The following ZFHX4 variants were observed in gnomAD, a reference collection of about 807,000 sequenced individuals.
The protein encoded by ZFHX4 is zinc finger homeobox protein 4.
Under a neutral mutation model 267.6 loss-of-function variants are expected in ZFHX4, and 56 were observed. The observed-to-expected ratio is 0.21, with a 90% CI of 0.17 to 0.26. ZFHX4 has a LOEUF of 0.26. ZFHX4 is among the 10% of genes least tolerant of loss of function. The probability of loss-of-function intolerance (pLI) is 1.00; values close to 1 mark genes in which losing one functional copy is unlikely to be tolerated. For missense variants in ZFHX4, 4,332 were observed against 4,420.0 expected, an observed-to-expected ratio of 0.98 and a Z score of 0.56; for synonymous variants, 1,778 against 1,665.6, an observed-to-expected ratio of 1.07 and a Z score of -1.64.
At position 76,864,151 on chromosome 8, in the gene ZFHX4, A is replaced by C; in HGVS notation, c.10437A>C (p.Ala3479=). 2 of 1,613,908 alleles carry C rather than the reference A, an allele frequency of 1.2e-6. No individual in the cohort carries two copies. Among genetic ancestry groups the C allele is most frequent in the Non-Finnish European group, 1.7e-6 (2 of 1,179,846 alleles). Residue 3479 remains alanine (A), a synonymous_variant, in exon 11 of 11, where the codon GCA becomes GCC. Coordinates refer to ENST00000651372, the MANE Select transcript of ZFHX4 (RefSeq NM_024721.5). ...ACAAAGAGAAAACAATCAAACAAGC[A>C]ATGAGAAATGCCAAAGAGCATGTTA... is the stretch of plus-strand genomic sequence containing the variant. The part of the protein sequence containing the change: ...SLHKEKTIKQ[A]MRNAKEHVRL...
At chr8:76,772,300 T>C (rs1051976414) in intron 3 of ZFHX4, among the ~76,000 whole-genome samples, 1 of 152,152 alleles carries the variant, frequency 6.6e-6, no homozygotes, top group Non-Finnish European at 1.5e-5. Context: ...TCTGAGTGGA[T>C]ATGCTAAGAT....
chr8:76,694,309 A>G (rs898010622), intron 1 of ZFHX4, among the ~76,000 whole-genome samples: 1 of 152,240 alleles, frequency 6.6e-6, no homozygotes, highest in Non-Finnish European at 1.5e-5. Flanking sequence ...ATTGAAGAAT[A>G]CAATGATCTC....
rs1422704277 is a variant in ZFHX4 at position 76,839,267 on chromosome 8, C to G, written c.3395-3388C>G. On this transcript the variant is annotated intron_variant, in intron 5 of 10. Coordinates refer to ENST00000651372, the MANE Select transcript of ZFHX4 (RefSeq NM_024721.5). ...ACTCTAAGCTAGTCATTCAAAAACA[C>G]TTATTTTAAATATAGCCAATGTGTA... Among the ~76,000 whole-genome samples, 4 of 152,124 alleles carry G rather than the reference C, an allele frequency of 2.6e-5. No homozygotes were observed. In the East Asian group the frequency reaches 7.7e-4, roughly 29 times the overall value.
At chr8:76,755,477 A>G (rs1417129932) in intron 3 of ZFHX4, among the ~76,000 whole-genome samples, 4 of 152,200 alleles carry the variant, frequency 2.6e-5, no homozygotes, top group Non-Finnish European at 4.4e-5. Context: ...TAAGTCTTCT[A>G]TGGCATCAAC....
intron 5 of ZFHX4, among the ~76,000 whole-genome samples, 159 bp from the exon 6 acceptor site, chr8:76,842,487 GTCAGCATGA>G (rs1812260455): frequency 6.6e-6 from 1 of 152,172 alleles, no homozygotes; most frequent in South Asian, 2.1e-4. Flanking sequence ...CATTGGTACA[GTCAGCATGA>G]TCAGCATAGA....
intron 4 of ZFHX4, among the ~76,000 whole-genome samples, chr8:76,781,708 A>C (rs566103679): frequency 2.0e-4 from 30 of 152,204 alleles, no homozygotes; most frequent in Non-Finnish European, 1.8e-4. Context: ...AGGACTATAA[A>C]ATATTTCTAC....
intron 4 of ZFHX4, among the ~76,000 whole-genome samples, chr8:76,794,038 T>A (rs1810908041): frequency 6.6e-6 from 1 of 152,220 alleles, no homozygotes. Flanking sequence ...ACAAGCATTT[T>A]AAGTATTTTA....
intron 3 of ZFHX4, among the ~76,000 whole-genome samples, chr8:76,731,623 T>C (rs1172306097): frequency 6.6e-6 from 1 of 152,074 alleles, no homozygotes; most frequent in African/African-American, 2.4e-5. Context: ...TTATTACAAA[T>C]ATAAATAAAA....
At chr8:76,828,356 C>T (rs752526671) in intron 4 of ZFHX4, among the ~76,000 whole-genome samples, 3 of 151,826 alleles carry the variant, frequency 2.0e-5, no homozygotes, top group South Asian at 4.2e-4. Context: ...TGCTGTCCAG[C>T]GGGGAGGTAC....
Position 76,738,676 on chromosome 8 carries a change from T to G in ZFHX4, c.3093+30628T>G, listed in dbSNP as rs1456467025. 2.0e-4 allele frequency among the ~76,000 whole-genome samples: 23 copies of G among 113,806 alleles called. No individual in the cohort carries two copies. In the South Asian group the frequency reaches 7.4e-3, roughly 37 times the overall value. 74.7% of individuals were successfully genotyped at this position (113,806 alleles called of 152,430 possible). A position where few individuals can be genotyped will look rare whatever the true frequency, so the allele number is the denominator to read the frequency against. ...TTTCCTTCCTCCCTCCCTCCCTCCCTTCCTCCCTCCCTCCTCCCTCCCTTT... is the reference window on the plus strand; with the variant it reads ...TTTCCTTCCTCCCTCCCTCCCTCCCGTCCTCCCTCCCTCCTCCCTCCCTTT... On this transcript the variant is annotated intron_variant, in intron 3 of 10. Transcript: ENST00000651372.
chr8:76,821,393 A>T (rs988587825), intron 4 of ZFHX4, among the ~76,000 whole-genome samples: 4 of 151,958 alleles, frequency 2.6e-5, no homozygotes, highest in Non-Finnish European at 5.9e-5. Context: ...TTGCACTCAC[A>T]CCATTCTACT....
In ZFHX4 at chr8:76,865,640, A is replaced by G. The variant is rs1813006827; in HGVS notation, c.*1075A>G. 1 of 152,624 alleles carries G rather than the reference A, an allele frequency of 6.6e-6. No individual in the cohort carries two copies. Among genetic ancestry groups the G allele is most frequent in the Admixed American group, 6.5e-5 (1 of 15,268 alleles). 9.5% of individuals were successfully genotyped at this position (152,624 alleles called of 1,614,324 possible). A position where few individuals can be genotyped will look rare whatever the true frequency, so the allele number is the denominator to read the frequency against. On this transcript the variant is annotated 3_prime_UTR_variant, in exon 11 of 11. Coordinates refer to ENST00000651372, the MANE Select transcript of ZFHX4 (RefSeq NM_024721.5). ...ACTGTATACTTGAAACTGTTTAAGT[A>G]CAAGTTGAACAAAAATTATGAAAAG...
intron 3 of ZFHX4, among the ~76,000 whole-genome samples, chr8:76,738,320 G>A (rs1418469827): frequency 2.6e-5 from 4 of 152,136 alleles, no homozygotes; most frequent in African/African-American, 9.7e-5. Context: ...TAAGGGATAA[G>A]TACTCACATC....
chr8:76,715,481 TAAAAAAAAAAAAAA>T (rs764567552), intron 3 of ZFHX4, among the ~76,000 whole-genome samples: 2 of 62,318 alleles, frequency 3.2e-5, no homozygotes, highest in African/African-American at 6.5e-5. Flanking sequence ...GACTCCATCT[TAAAAAAAAAAAAAA>T]AAAAAAAAAA....
chr8:76,811,598 T>A (rs1276311492), intron 4 of ZFHX4, among the ~76,000 whole-genome samples: 1 of 152,174 alleles, frequency 6.6e-6, no homozygotes, highest in Non-Finnish European at 1.5e-5. Flanking sequence ...ACATTTGGTT[T>A]GGCCTTCTGT....
rs200585661 is a variant in ZFHX4 at position 76,817,236 on chromosome 8, G to GA, written c.3326-16093dup. On this transcript the variant is annotated intron_variant, in intron 4 of 10. Coordinates refer to ENST00000651372, the MANE Select transcript of ZFHX4 (RefSeq NM_024721.5). ...TAAAAGAAATAAAATCCCTTTTAAA[G>GA]AAAAAAAAATGAGAAATTGAGAAAG... Among the ~76,000 whole-genome samples, 78 of 150,770 alleles carry GA rather than the reference G, an allele frequency of 5.2e-4. No individual in the cohort carries two copies. The East Asian group carries it at 7.2e-3, about 14-fold the overall frequency.
intron 3 of ZFHX4, among the ~76,000 whole-genome samples, chr8:76,725,806 A>G (rs1563486485): frequency 6.6e-6 from 1 of 152,178 alleles, no homozygotes; most frequent in African/African-American, 2.4e-5. Context: ...GCTATGACAA[A>G]TATATCATCC....
At chr8:76,840,778 C>T (rs1359268060) in intron 5 of ZFHX4, among the ~76,000 whole-genome samples, 1 of 152,136 alleles carries the variant, frequency 6.6e-6, no homozygotes, top group African/African-American at 2.4e-5. Flanking sequence ...TCATAGGTCG[C>T]GAACTAGAGA....
rs188873242 is a variant in ZFHX4, at chr8:76,722,381, G to A, written c.3093+14333G>A. ...ATTTATGTCTATGAACACTTGATGAGCCTAATAAGCTTTAATGAGGTGGGT... is the reference window on the plus strand; with the variant it reads ...ATTTATGTCTATGAACACTTGATGAACCTAATAAGCTTTAATGAGGTGGGT... On this transcript the variant is annotated intron_variant, in intron 3 of 10. Transcript: ENST00000651372. Among the ~76,000 whole-genome samples the A allele has an allele frequency of 5.2e-3, 797 of 152,048 alleles. 11 individuals carry two copies. The highest frequency in any genetic ancestry group is 0.018 in the African/African-American group (746 of 41,512).
Sources: allele counts gnomAD v4.1 joint callset (sites outside exome capture counted in the v4.1 genomes callset), GRCh38; gene constraint gnomAD v4.1.1; transcripts MANE v1.5; gene names NCBI Gene and HGNC (gene_info 2026-07-23, HGNC 2026-07-21).